VRK2: variants seen among roughly 807,000 people sequenced by gnomAD.
VRK2 encodes the protein serine/threonine-protein kinase VRK2.
In VRK2, 60 loss-of-function variants were observed where a neutral mutation model predicts 57.6. The observed-to-expected ratio is 1.04, with a 90% CI of 0.85 to 1.29. The LOEUF (loss-of-function observed/expected upper bound fraction) is 1.29, where lower values mean the gene tolerates loss of function less well. Among genes scored for constraint, VRK2 ranks in the 50% most tolerant of loss-of-function variants. The pLI, the probability that VRK2 is intolerant of heterozygous loss-of-function variation, is 0.00. For synonymous variants in VRK2, 231 were observed against 199.2 expected, an observed-to-expected ratio of 1.16 and a Z score of -1.35; for missense variants, 705 against 588.1, an observed-to-expected ratio of 1.20 and a Z score of -2.06.
intron 1 of VRK2, among the ~76,000 whole-genome samples, chr2:57,973,071 T>C (rs1672144285): frequency 6.6e-6 from 1 of 151,878 alleles, no homozygotes; most frequent in Non-Finnish European, 1.5e-5. Flanking sequence ...GTGTAAATGC[T>C]TATGAGTTTT....
intron 1 of VRK2, among the ~76,000 whole-genome samples, chr2:57,958,551 ATGT>A (rs1671660011): frequency 6.6e-6 from 1 of 151,750 alleles, no homozygotes; most frequent in Non-Finnish European, 1.5e-5. Context: ...ACTCGAAACG[ATGT>A]TGTTTTCTAT....
rs1573016415 is a variant in VRK2, at chr2:58,086,335, G to A, written c.257-4G>A. 1 of 1,595,822 alleles carries A rather than the reference G, an allele frequency of 6.3e-7. No homozygotes were observed. The highest frequency in any genetic ancestry group is 8.5e-7 in the Non-Finnish European group (1 of 1,173,220). Reference sequence around the variant, plus strand: ...TCTTTTTAAAAATAAATTTGTCTTTGTAGTCAAAAAGTGGATAGAACGCAA... The same window carrying A: ...TCTTTTTAAAAATAAATTTGTCTTTATAGTCAAAAAGTGGATAGAACGCAA... On this transcript the variant is annotated splice_polypyrimidine_tract_variant and splice_region_variant and intron_variant, in intron 4 of 12. Coordinates refer to ENST00000340157, the MANE Select transcript of VRK2 (RefSeq NM_006296.7).
At chr2:58,068,874 A>ATCCC (rs1668999180) in intron 2 of VRK2, among the ~76,000 whole-genome samples, 1 of 148,594 alleles carries the variant, frequency 6.7e-6, no homozygotes, top group Non-Finnish European at 1.5e-5. Context: ...ACATCATTTG[A>ATCCC]TTCTTTTTTG....
rs181726663 is a variant in VRK2 at position 57,994,396 on chromosome 2, A to G, written c.-438-31269A>G. Among the ~76,000 whole-genome samples the G allele has an allele frequency of 3.1e-4, 47 of 152,342 alleles. No individual in the cohort carries two copies. The East Asian group carries it at 7.5e-3, about 24-fold the overall frequency. On this transcript the variant is annotated intron_variant, in intron 1 of 15. Coordinates refer to the VRK2 transcript ENST00000417641. The stretch of plus-strand genomic sequence containing the variant: ...AAATTTAATGATCTATAAGTAAACT[A>G]GGTAATTATTTTTCCAAAATGAAGG...
intron 1 of VRK2, among the ~76,000 whole-genome samples, chr2:57,976,498 C>T (rs911930559): frequency 1.3e-5 from 2 of 152,016 alleles, no homozygotes; most frequent in Admixed American, 6.6e-5. Flanking sequence ...TTGTTAGCCA[C>T]TTGTATGTCT....
chr2:57,933,709 A>G (rs1572877768), intron 1 of VRK2, among the ~76,000 whole-genome samples: 1 of 151,876 alleles, frequency 6.6e-6, no homozygotes, highest in Non-Finnish European at 1.5e-5. Flanking sequence ...TTGATGGGCA[A>G]ATATAATCCA....
chr2:57,996,374 C>T (rs1672923215), intron 1 of VRK2, among the ~76,000 whole-genome samples: 1 of 152,150 alleles, frequency 6.6e-6, no homozygotes. Context: ...TTGGTTAACG[C>T]CCAAGGAATA....
At chr2:58,092,684 T>C (rs1672547581) in intron 7 of VRK2, among the ~76,000 whole-genome samples, 2 of 152,190 alleles carry the variant, frequency 1.3e-5, no homozygotes, top group Non-Finnish European at 2.9e-5. Context: ...TTTTCCATAC[T>C]TTAAGTTCTA....
intron 12 of VRK2, among the ~76,000 whole-genome samples, chr2:58,158,479 A>G (rs1349975082): frequency 6.6e-6 from 1 of 152,162 alleles, no homozygotes; most frequent in African/African-American, 2.4e-5. Context: ...GTTTGTTTGA[A>G]GGGTGGCAGT....
intron 10 of VRK2, among the ~76,000 whole-genome samples, chr2:58,137,783 A>C (rs574859678): frequency 7.2e-5 from 11 of 152,304 alleles, no homozygotes; most frequent in South Asian, 6.2e-4. Context: ...CAGATGATTA[A>C]AAAAATCATA....
chr2:58,143,196 C>T (rs925132043), intron 11 of VRK2, among the ~76,000 whole-genome samples: 1 of 151,884 alleles, frequency 6.6e-6, no homozygotes, highest in Non-Finnish European at 1.5e-5. Context: ...ATTAGAAGCA[C>T]ATTTTTGGTT....
At chr2:57,974,604 G>A (rs1191595420) in intron 1 of VRK2, among the ~76,000 whole-genome samples, 1 of 151,734 alleles carries the variant, frequency 6.6e-6, no homozygotes, top group Non-Finnish European at 1.5e-5. Flanking sequence ...AGAATTCAGT[G>A]AAAATTTGAA....
At position 58,130,758 on chromosome 2, in the gene VRK2, C is replaced by A. The variant is rs116459855; in HGVS notation, c.677-1050C>A. ...TTACTGCTCTTAGGAGATTATATAT[C>A]CCTACACAGATGAACATTCGAGTAA... is the stretch of plus-strand genomic sequence containing the variant. On this transcript the variant is annotated intron_variant, in intron 8 of 12. Transcript: ENST00000340157. Among the ~76,000 whole-genome samples the A allele has an allele frequency of 7.1e-3, 1,081 of 152,172 alleles. 9 individuals are homozygous for A. The highest frequency in any genetic ancestry group is 0.024 in the African/African-American group (991 of 41,530).
chr2:57,910,485 G>A (rs1243474803), intron 1 of VRK2, among the ~76,000 whole-genome samples: 1 of 152,134 alleles, frequency 6.6e-6, no homozygotes, highest in Non-Finnish European at 1.5e-5. Flanking sequence ...TGTAGATTCT[G>A]AAGACAAAAT....
intron 1 of VRK2, among the ~76,000 whole-genome samples, chr2:57,924,169 A>G (rs1025884310): frequency 2.0e-5 from 3 of 151,688 alleles, no homozygotes; most frequent in Non-Finnish European, 3.0e-5. Context: ...TTCCTTCAGT[A>G]GTGTTCTTTT....
intron 1 of VRK2, among the ~76,000 whole-genome samples, chr2:57,982,490 T>C (rs920498393): frequency 4.0e-5 from 6 of 151,884 alleles, no homozygotes; most frequent in Admixed American, 3.3e-4. Flanking sequence ...TGCTTGCCAG[T>C]GGGGGAAGGC....
At chr2:57,940,503 T>A (rs552176741) in intron 1 of VRK2, among the ~76,000 whole-genome samples, 1 of 152,132 alleles carries the variant, frequency 6.6e-6, no homozygotes, top group African/African-American at 2.4e-5. Context: ...TAATATTTAA[T>A]CTGGGCACTG....
chr2:58,135,502 G>A (rs995948843), intron 10 of VRK2, among the ~76,000 whole-genome samples: 5 of 148,624 alleles, frequency 3.4e-5, no homozygotes, highest in African/African-American at 1.0e-4. Context: ...ATAGTCAACC[G>A]TATCTGGTAT....
intron 4 of VRK2, among the ~76,000 whole-genome samples, chr2:58,085,538 A>T (rs1342014354): frequency 1.3e-5 from 2 of 151,964 alleles, no homozygotes; most frequent in Non-Finnish European, 2.9e-5. Flanking sequence ...TATAAATGTG[A>T]TATAGATGGG....
Sources: gnomAD v4.1 joint callset for allele counts (sites outside exome capture counted in the v4.1 genomes callset) on GRCh38, gnomAD v4.1.1 for gene constraint, MANE v1.5 for transcripts, NCBI Gene and HGNC (gene_info 2026-07-23, HGNC 2026-07-21) for gene names.